The following CTNNA2 variants were observed in gnomAD, a reference collection of about 807,000 sequenced individuals.
CTNNA2 encodes catenin alpha 2, also known as catenin alpha-2.
A neutral mutation model predicts 101.0 loss-of-function variants in CTNNA2; 42 were observed. The ratio of observed to expected loss-of-function variants is 0.42; its 90% CI spans 0.32 to 0.54. The LOEUF (loss-of-function observed/expected upper bound fraction) is 0.54, where lower values mean the gene tolerates loss of function less well. Among genes scored for constraint, CTNNA2 ranks in the 20% least tolerant of loss-of-function variants. The pLI is 0.14. For missense variants in CTNNA2, 871 were observed against 1,223.1 expected, an observed-to-expected ratio of 0.71 and a Z score of 4.29; for synonymous variants, 450 against 456.4, an observed-to-expected ratio of 0.99 and a Z score of 0.18.
At chr2:79,892,331 C>T (rs1372938212) in intron 6 of CTNNA2, among the ~76,000 whole-genome samples, 1 of 152,026 alleles carries the variant, frequency 6.6e-6, no homozygotes, top group Non-Finnish European at 1.5e-5. Context: ...TTTAGACAGT[C>T]ATGGCCATGA....
At chr2:79,467,726 C>T (rs964213486) in intron 4 of CTNNA2, among the ~76,000 whole-genome samples, 1 of 152,178 alleles carries the variant, frequency 6.6e-6, no homozygotes, top group African/African-American at 2.4e-5. Flanking sequence ...CAATATTCAA[C>T]ATTCTTAAAG....
intron 3 of CTNNA2, among the ~76,000 whole-genome samples, chr2:79,810,949 C>T (rs1676977587): frequency 6.6e-6 from 1 of 151,434 alleles, no homozygotes; most frequent in South Asian, 2.1e-4. Context: ...TGGGTTGGTT[C>T]CAAGTCTTTG....
At chr2:80,333,124 A>G (rs1671483509) in intron 7 of CTNNA2, among the ~76,000 whole-genome samples, 1 of 152,206 alleles carries the variant, frequency 6.6e-6, no homozygotes, top group Non-Finnish European at 1.5e-5. Flanking sequence ...ATTTACTATT[A>G]ATATCAGCCC....
chr2:79,239,985 T>C (rs1461120597), intron 2 of CTNNA2, among the ~76,000 whole-genome samples: 3 of 149,186 alleles, frequency 2.0e-5, no homozygotes, highest in Non-Finnish European at 3.0e-5. Flanking sequence ...CAGGCTGGAG[T>C]GCAACCTCAG....
chr2:79,976,936 T>A (rs1690890317), intron 7 of CTNNA2, among the ~76,000 whole-genome samples: 1 of 152,186 alleles, frequency 6.6e-6, no homozygotes, highest in African/African-American at 2.4e-5. Context: ...TCAAATTGTT[T>A]CTTAAATATG....
intron 6 of CTNNA2, among the ~76,000 whole-genome samples, chr2:79,890,171 C>A (rs961081452): frequency 1.3e-5 from 2 of 152,060 alleles, no homozygotes; most frequent in Non-Finnish European, 2.9e-5. Context: ...GATTGCTCAG[C>A]GAGCACCTGG....
intron 1 of CTNNA2, among the ~76,000 whole-genome samples, chr2:79,641,035 A>G (rs1449971062): frequency 6.6e-6 from 1 of 152,214 alleles, no homozygotes; most frequent in African/African-American, 2.4e-5. Context: ...CTTTAGGAAG[A>G]GGCATGAACC....
chr2:80,109,987 G>C (rs1420603422), intron 7 of CTNNA2, among the ~76,000 whole-genome samples: 1 of 152,130 alleles, frequency 6.6e-6, no homozygotes, highest in Admixed American at 6.5e-5. Context: ...GCTTTTTATG[G>C]TTGATTGTGT....
At chr2:79,187,372 C>A (rs1278098132) in intron 1 of CTNNA2, among the ~76,000 whole-genome samples, 1 of 149,156 alleles carries the variant, frequency 6.7e-6, no homozygotes, top group Non-Finnish European at 1.5e-5. Context: ...CAGGTTCAAG[C>A]AATTCAGTGC....
chr2:79,329,639 T>C (rs1452916106), intron 3 of CTNNA2, among the ~76,000 whole-genome samples: 1 of 152,118 alleles, frequency 6.6e-6, no homozygotes, highest in East Asian at 1.9e-4. Context: ...ATCTCTGCTA[T>C]CCTCACGAAT....
intron 4 of CTNNA2, among the ~76,000 whole-genome samples, chr2:79,470,653 A>G (rs184346063): frequency 1.3e-5 from 2 of 152,294 alleles, no homozygotes; most frequent in Admixed American, 1.3e-4. Context: ...TTGTCTTCCT[A>G]GGAATGCATC....
intron 7 of CTNNA2, among the ~76,000 whole-genome samples, chr2:80,053,829 T>C (rs1384033289): frequency 6.6e-6 from 1 of 152,240 alleles, no homozygotes; most frequent in Non-Finnish European, 1.5e-5. Flanking sequence ...CCAGTCTTTA[T>C]TTTTTCAGTG....
chr2:80,021,631 A>G (rs1476606791), intron 7 of CTNNA2, among the ~76,000 whole-genome samples: 1 of 152,182 alleles, frequency 6.6e-6, no homozygotes, highest in Non-Finnish European at 1.5e-5. Context: ...TGTATTTATG[A>G]TATACATCAT....
At chr2:80,397,387 C>T (rs1482899145) in intron 8 of CTNNA2, among the ~76,000 whole-genome samples, 11 of 152,114 alleles carry the variant, frequency 7.2e-5, no homozygotes, top group Admixed American at 6.5e-4. Context: ...AGCCAAGTAC[C>T]GTACCTGATA....
intron 7 of CTNNA2, among the ~76,000 whole-genome samples, chr2:80,044,234 GATAAC>G (rs1252243244): frequency 6.6e-6 from 1 of 152,146 alleles, no homozygotes; most frequent in African/African-American, 2.4e-5. Flanking sequence ...AGTATAGAAA[GATAAC>G]ATAGCCGCAC....
chr2:79,631,108 C>G (rs1475618587), intron 1 of CTNNA2, among the ~76,000 whole-genome samples: 1 of 151,656 alleles, frequency 6.6e-6, no homozygotes, highest in Non-Finnish European at 1.5e-5. Context: ...CCTAGAGTTT[C>G]TCAAGTATAT....
intron 7 of CTNNA2, among the ~76,000 whole-genome samples, chr2:80,149,878 T>C (rs1277811011): frequency 6.6e-6 from 1 of 151,990 alleles, no homozygotes; most frequent in Non-Finnish European, 1.5e-5. Context: ...TTAGTTACAA[T>C]TTTAAGCCAC....
intron 4 of CTNNA2, among the ~76,000 whole-genome samples, chr2:79,459,594 A>T (rs1284858501): frequency 6.6e-6 from 1 of 152,198 alleles, no homozygotes; most frequent in South Asian, 2.1e-4. Flanking sequence ...ATATGGTAAG[A>T]TTTGTTTTAA....
intron 7 of CTNNA2, among the ~76,000 whole-genome samples, chr2:80,000,429 A>G (rs1183678635): frequency 6.6e-6 from 1 of 152,120 alleles, no homozygotes; most frequent in Non-Finnish European, 1.5e-5. Flanking sequence ...TAAACAAACA[A>G]AACAGCCATC....
Sources: gnomAD v4.1 joint callset for allele counts (sites outside exome capture counted in the v4.1 genomes callset) on GRCh38, gnomAD v4.1.1 for gene constraint, MANE v1.5 for transcripts, NCBI Gene and HGNC (gene_info 2026-07-23, HGNC 2026-07-21) for gene names.